LSR: variants seen among roughly 807,000 people sequenced by gnomAD.
The protein encoded by LSR is lipolysis-stimulated lipoprotein receptor.
Under a neutral mutation model 61.8 loss-of-function variants are expected in LSR, and 44 were observed. The observed-to-expected ratio is 0.71, with a 90% confidence interval of 0.56 to 0.91. LSR has a LOEUF of 0.91. Among genes scored for constraint, LSR ranks in the 40% least tolerant of loss-of-function variants. The pLI, the probability that LSR is intolerant of heterozygous loss-of-function variation, is 0.00. For missense variants in LSR, 911 were observed against 830.5 expected (o/e 1.10, Z -1.19); for synonymous variants, 397 against 350.6 (o/e 1.13, Z -1.48).
intron 1 of LSR, 99 bp downstream of exon 1, chr19:35,249,230 T>C: frequency 1.4e-6 from 2 of 1,405,678 alleles, no homozygotes; most frequent in East Asian, 2.6e-5. Flanking sequence ...AGCGGGGGTC[T>C]CAGAGGCTGG....
chr19:35,267,776 C>A (rs781606461), intron 9 of LSR, 42 bp downstream of exon 9: 1 of 1,613,750 alleles, frequency 6.2e-7, no homozygotes, highest in Non-Finnish European at 8.5e-7. Flanking sequence ...TCCCTGGGCC[C>A]CCAGCCGGTC....
chr19:35,267,871 C>A lies in LSR; in HGVS notation c.*12C>A. The A allele has an allele frequency of 1.2e-6, 2 of 1,613,428 alleles. No individual in the cohort carries two copies. Among genetic ancestry groups the A allele is most frequent in the Non-Finnish European group, 1.7e-6 (2 of 1,179,586 alleles). On this transcript the variant is annotated 3_prime_UTR_variant, in exon 10 of 10. Coordinates refer to ENST00000605618, the MANE Select transcript of LSR (RefSeq NM_205834.4). The stretch of plus-strand genomic sequence containing the variant: ...GTTTAGTCGTCTGATCTGACGTTTT[C>A]TACGTAGCTTTTGTATTTTTTTTTT...
At chr19:35,252,539 C>T (rs1020839060) in intron 2 of LSR, among the ~76,000 whole-genome samples, 5 of 150,624 alleles carry the variant, frequency 3.3e-5, no homozygotes, top group Admixed American at 1.3e-4. Flanking sequence ...ATCCCAGCTA[C>T]TCAGGAGGCT....
rs1599613337 is a variant in LSR, at chr19:35,267,869, T to G, written c.*10T>G. ...AAGTTTAGTCGTCTGATCTGACGTT[T>G]TCTACGTAGCTTTTGTATTTTTTTT... On this transcript the variant is annotated 3_prime_UTR_variant, in exon 10 of 10. Transcript: ENST00000605618. 6.2e-7 allele frequency: 1 copy of G among 1,613,646 alleles called. No homozygotes were observed. Among genetic ancestry groups the G allele is most frequent in the Non-Finnish European group, 8.5e-7 (1 of 1,179,814 alleles).
intron 2 of LSR, among the ~76,000 whole-genome samples, chr19:35,255,077 C>A (rs2065840721): frequency 6.6e-6 from 1 of 152,156 alleles, no homozygotes; most frequent in Non-Finnish European, 1.5e-5. Context: ...TGGCTCATGC[C>A]TGTAATCCCA....
chr19:35,264,317 C>G (rs1039661413), intron 5 of LSR: 13 of 152,026 alleles, frequency 8.6e-5, no homozygotes, highest in African/African-American at 3.1e-4. Context: ...GAGAGAGGGA[C>G]CTAACTCTAT....
intron 2 of LSR, among the ~76,000 whole-genome samples, chr19:35,255,259 G>T (rs1314042950): frequency 6.6e-6 from 1 of 152,164 alleles, no homozygotes; most frequent in Non-Finnish European, 1.5e-5. Flanking sequence ...GTTCGAAGCT[G>T]CAGTGACCCA....
chr19:35,267,016 A>G (rs2145550377), intron 8 of LSR, 49 bp downstream of exon 8: 1 of 1,579,404 alleles, frequency 6.3e-7, no homozygotes, highest in Non-Finnish European at 8.6e-7. Context: ...GGGGGGTGAA[A>G]CATGTCTCCC....
chr19:35,250,414 C>T lies in LSR; in HGVS notation c.209C>T (p.Thr70Ile). Residue 70 changes from threonine to isoleucine, a missense_variant, in exon 2 of 10, where the codon ACC becomes ATC. Transcript: ENST00000605618. ...TLPCTYQMTS[T>I]PTQPIVIWKY... ...CCCTGTACCTACCAGATGACCTCGA[C>T]CCCCACGCAACCCATCGTCATCTGG... The T allele has an allele frequency of 1.2e-6, 2 of 1,613,896 alleles. No homozygotes were observed. The highest frequency in any genetic ancestry group is 1.7e-6 in the Non-Finnish European group (2 of 1,179,904).
At chr19:35,254,894 AAC>A (rs1456033929) in intron 2 of LSR, among the ~76,000 whole-genome samples, 3 of 152,168 alleles carry the variant, frequency 2.0e-5, no homozygotes, top group Non-Finnish European at 2.9e-5. Context: ...GGTCAAACAA[AAC>A]ACAGTGAGGT....
At chr19:35,263,699 A>G (rs12985618) in intron 5 of LSR, among the ~76,000 whole-genome samples, 26,015 of 151,976 alleles carry the variant, frequency 0.17, 2,605 homozygotes, top group Middle Eastern at 0.22. Context: ...GGGTCTTGCT[A>G]TGTTGCCCAG....
chr19:35,257,336 G>A (rs1036376045), intron 2 of LSR, among the ~76,000 whole-genome samples: 4 of 152,190 alleles, frequency 2.6e-5, no homozygotes, highest in African/African-American at 9.7e-5. Flanking sequence ...CAGGGGGACA[G>A]TGCAAATCTA....
chr19:35,262,017 A>T, intron 4 of LSR, 36 bp downstream of exon 4: 3 of 1,509,068 alleles, frequency 2.0e-6, no homozygotes, highest in Non-Finnish European at 2.6e-6. Context: ...GCTTCTCGGG[A>T]GCTCCCATAC....
intron 1 of LSR, among the ~76,000 whole-genome samples, chr19:35,249,915 C>T (rs1002981416): frequency 9.2e-5 from 14 of 152,110 alleles, no homozygotes; most frequent in African/African-American, 3.4e-4. Context: ...TGGAATCCTT[C>T]GTAGTCGGTT....
intron 2 of LSR, 95 bp from the exon 3 acceptor site, chr19:35,258,850 C>T: frequency 2.0e-6 from 3 of 1,513,076 alleles, no homozygotes; most frequent in Non-Finnish European, 2.7e-6. Context: ...CACTGCTTGC[C>T]CCCTCCTGGG....
chr19:35,250,648 C>G lies in LSR; in HGVS notation c.443C>G (p.Thr148Ser). The G allele has an allele frequency of 6.4e-7, 1 of 1,560,664 alleles. No individual in the cohort carries two copies. Residue 148 changes from threonine (T) to serine (S), a missense_variant, in exon 2 of 10, where the codon ACC becomes AGC. Physicochemically the swap from Thr to Ser is moderately conservative, Grantham distance 58 (BLOSUM62 1). Coordinates refer to ENST00000605618, the MANE Select transcript of LSR (RefSeq NM_205834.4). The part of the protein sequence containing the change: ...LGDYYQGRRI[T>S]ITGNADLTFD... ...GATTACTACCAGGGCCGGAGGATTA[C>G]CATCACCGGAAGTATGTTGGGCAGG...
intron 2 of LSR, among the ~76,000 whole-genome samples, chr19:35,256,340 CATAA>C (rs980133313): frequency 6.6e-5 from 10 of 151,910 alleles, no homozygotes; most frequent in African/African-American, 1.9e-4. Context: ...TATAGATTAA[CATAA>C]ATAAAATACC....
intron 2 of LSR, among the ~76,000 whole-genome samples, chr19:35,257,244 C>G (rs1458489955): frequency 2.0e-5 from 3 of 152,198 alleles, no homozygotes; most frequent in African/African-American, 7.2e-5. Context: ...ACATTTTCAC[C>G]AGGCAAAGGA....
intron 5 of LSR, among the ~76,000 whole-genome samples, chr19:35,263,488 T>C (rs1218374684): frequency 6.6e-6 from 1 of 152,168 alleles, no homozygotes; most frequent in Non-Finnish European, 1.5e-5. Context: ...CTGGAGCAGC[T>C]GGGACTGTAG....
Sources: allele counts gnomAD v4.1 joint callset (sites outside exome capture counted in the v4.1 genomes callset), GRCh38; gene constraint gnomAD v4.1.1; transcripts MANE v1.5; gene names NCBI Gene and HGNC (gene_info 2026-07-23, HGNC 2026-07-21).